Variants in TUSC3 observed in about 807,000 individuals in gnomAD.
TUSC3 encodes the protein dolichyl-diphosphooligosaccharide--protein glycosyltransferase subunit TUSC3.
TUSC3 carries 45 observed loss-of-function variants against 44.8 expected under a neutral mutation model. The ratio of observed to expected loss-of-function variants is 1.00; its 90% CI spans 0.79 to 1.29. The LOEUF (loss-of-function observed/expected upper bound fraction) is 1.29, where lower values mean the gene tolerates loss of function less well. TUSC3 is among the 50% of genes most tolerant of loss of function. The pLI, the probability that TUSC3 is intolerant of heterozygous loss-of-function variation, is 0.00. For synonymous variants in TUSC3, 212 were observed against 152.9 expected, an observed-to-expected ratio of 1.39 and a Z score of -2.85; for missense variants, 519 against 437.9, an observed-to-expected ratio of 1.19 and a Z score of -1.65.
At chr8:15,631,795 TCA>T (rs1805776900) in intron 2 of TUSC3, among the ~76,000 whole-genome samples, 1 of 151,940 alleles carries the variant, frequency 6.6e-6, no homozygotes, top group Non-Finnish European at 1.5e-5. Flanking sequence ...AACCTCTGCC[TCA>T]CGGGTTCAAG....
chr8:15,424,532 C>A (rs967952565), intron 1 of TUSC3, among the ~76,000 whole-genome samples: 2 of 152,150 alleles, frequency 1.3e-5, no homozygotes, highest in East Asian at 3.9e-4. Context: ...CATCTGCCCA[C>A]CGCAGCAGAC....
chr8:15,778,483 A>G, the TUSC3 span, among the ~76,000 whole-genome samples: 1 of 151,904 alleles, frequency 6.6e-6, no homozygotes, highest in Non-Finnish European at 1.5e-5. Flanking sequence ...TTTTTTTTTT[A>G]ATACAAGCAT....
chr8:15,773,558 C>G, the TUSC3 span, among the ~76,000 whole-genome samples: 1 of 152,088 alleles, frequency 6.6e-6, no homozygotes, highest in Non-Finnish European at 1.5e-5. Context: ...CTATTATAAT[C>G]CAGTGGCCTT....
intron 1 of TUSC3, among the ~76,000 whole-genome samples, chr8:15,423,011 T>C (rs1229261875): frequency 1.3e-5 from 2 of 152,220 alleles, no homozygotes; most frequent in Non-Finnish European, 2.9e-5. Context: ...TTGTAAATGA[T>C]AAATATATAC....
At chr8:15,777,986 AC>A in the TUSC3 span, among the ~76,000 whole-genome samples, 3 of 151,922 alleles carry the variant, frequency 2.0e-5, no homozygotes, top group African/African-American at 7.3e-5. Context: ...GCATTGAAAA[AC>A]ATCTTGATTT....
chr8:15,530,732 C>T (rs7812857), intron 2 of TUSC3, among the ~76,000 whole-genome samples: 31,697 of 152,124 alleles, frequency 0.21, 3,420 homozygotes, highest in South Asian at 0.35. Flanking sequence ...AACACTAGCA[C>T]ATATTAAGTG....
At chr8:15,578,770 A>G (rs540393687) in intron 1 of TUSC3, among the ~76,000 whole-genome samples, 1 of 152,168 alleles carries the variant, frequency 6.6e-6, no homozygotes, top group East Asian at 1.9e-4. Context: ...ATTGGTCTAA[A>G]ATTCTCTTTT....
upstream of TUSC3, among the ~76,000 whole-genome samples, chr8:15,539,760 T>C (rs547461587): frequency 6.6e-6 from 1 of 152,250 alleles, no homozygotes; most frequent in South Asian, 2.1e-4. Context: ...CCATGGATGC[T>C]GAATGAGTCA....
At chr8:15,826,279 C>T in the TUSC3 span, among the ~76,000 whole-genome samples, 2 of 152,174 alleles carry the variant, frequency 1.3e-5, no homozygotes, top group African/African-American at 4.8e-5. Flanking sequence ...TATTTAAGTA[C>T]GAATGGGATT....
chr8:15,632,295 C>G (rs903746161), intron 2 of TUSC3, among the ~76,000 whole-genome samples: 4 of 152,032 alleles, frequency 2.6e-5, no homozygotes, highest in African/African-American at 9.6e-5. Context: ...AGCAACTTGC[C>G]TTTTATAGTG....
At chr8:15,679,987 G>A (rs925742945) in intron 6 of TUSC3, among the ~76,000 whole-genome samples, 7 of 152,046 alleles carry the variant, frequency 4.6e-5, no homozygotes, top group Non-Finnish European at 1.0e-4. Context: ...GGTTACTGTT[G>A]CTTTGTAGTA....
chr8:15,829,227 A>C, the TUSC3 span, among the ~76,000 whole-genome samples: 1 of 152,216 alleles, frequency 6.6e-6, no homozygotes, highest in South Asian at 2.1e-4. Flanking sequence ...CTATTAGAAA[A>C]AAATGTTGCA....
chr8:15,703,135 C>T (rs1482444228), intron 6 of TUSC3, among the ~76,000 whole-genome samples: 1 of 152,078 alleles, frequency 6.6e-6, no homozygotes, highest in Non-Finnish European at 1.5e-5. Flanking sequence ...AGTTGCATAG[C>T]TTGCTATTAT....
intron 1 of TUSC3, among the ~76,000 whole-genome samples, chr8:15,599,746 T>A (rs748284408): frequency 6.6e-6 from 1 of 151,060 alleles, no homozygotes; most frequent in African/African-American, 2.4e-5. Context: ...TGTCAGTCTG[T>A]TTCTTAGCCC....
At chr8:15,803,690 G>T in the TUSC3 span, among the ~76,000 whole-genome samples, 13 of 152,198 alleles carry the variant, frequency 8.5e-5, no homozygotes, top group East Asian at 9.7e-4. Context: ...TTAGGTATTT[G>T]TTCTAATGCT....
At chr8:15,508,812 T>C (rs940713109) in intron 2 of TUSC3, among the ~76,000 whole-genome samples, 3 of 152,184 alleles carry the variant, frequency 2.0e-5, no homozygotes, top group South Asian at 2.1e-4. Flanking sequence ...TTAATAAAGA[T>C]AACAAAAACC....
chr8:15,648,798 C>G (rs1806753903), intron 2 of TUSC3, among the ~76,000 whole-genome samples: 1 of 137,280 alleles, frequency 7.3e-6, no homozygotes, highest in Admixed American at 7.5e-5. Flanking sequence ...TTATCACGTA[C>G]CATAAAAACA....
intron 1 of TUSC3, among the ~76,000 whole-genome samples, chr8:15,544,531 A>G (rs1482823921): frequency 6.6e-6 from 1 of 151,892 alleles, no homozygotes; most frequent in African/African-American, 2.4e-5. Context: ...TTGACTAAAT[A>G]AAACATATTT....
chr8:15,677,168 C>T (rs768915801), intron 6 of TUSC3, among the ~76,000 whole-genome samples: 2 of 152,018 alleles, frequency 1.3e-5, no homozygotes. Context: ...TGTGCCTGGC[C>T]TTTGTTTTTC....
Sources: allele counts gnomAD v4.1 joint callset (sites outside exome capture counted in the v4.1 genomes callset), GRCh38; gene constraint gnomAD v4.1.1; transcripts MANE v1.5; gene names NCBI Gene and HGNC (gene_info 2026-07-23, HGNC 2026-07-21).